Variants in THSD7B observed in about 807,000 individuals in gnomAD.
The protein encoded by THSD7B is thrombospondin type 1 domain containing 7B.
A neutral mutation model predicts 213.6 loss-of-function variants in THSD7B; 138 were observed. The observed-to-expected ratio is 0.65, with a 90% CI of 0.56 to 0.74. The LOEUF (loss-of-function observed/expected upper bound fraction) is 0.74. Ranked by LOEUF, THSD7B falls within the 30% of genes least tolerant of loss-of-function variation. The probability of loss-of-function intolerance (pLI) is 0.00; values close to 1 mark genes in which losing one functional copy is unlikely to be tolerated. For synonymous variants in THSD7B, 742 were observed against 687.0 expected (o/e 1.08, Z -1.25); for missense variants, 1,931 against 1,991.5 (o/e 0.97, Z 0.58).
intron 7 of THSD7B, among the ~76,000 whole-genome samples, chr2:137,217,736 C>A (rs1193207825): frequency 6.6e-6 from 1 of 152,172 alleles, no homozygotes; most frequent in Admixed American, 6.6e-5. Context: ...CAATTATGCT[C>A]ATTTCAGTTC....
intron 15 of THSD7B, among the ~76,000 whole-genome samples, chr2:137,481,805 A>G (rs927437172): frequency 5.9e-5 from 9 of 152,340 alleles, no homozygotes; most frequent in African/African-American, 2.2e-4. Flanking sequence ...GCATTTTCAT[A>G]TATCCAGGGA....
At position 137,057,033 on chromosome 2, in the gene THSD7B, C is replaced by T. The variant is rs773390876; in HGVS notation, c.753C>T (p.Cys251=). 4.3e-6 allele frequency: 7 copies of T among 1,613,778 alleles called. No homozygotes were observed. The East Asian group carries it at 1.6e-4, about 36-fold the overall frequency. ...TTAAGGTTGGACCATGGAGTAAATG[C>T]AGACTGCCTCATCTTAAAGAAATTA... ...FSLKVGPWSK[C]RLPHLKEINP... Residue 251 remains cysteine, a synonymous_variant, in exon 3 of 28, where the codon TGC becomes TGT. Coordinates refer to ENST00000409968, the MANE Select transcript of THSD7B (RefSeq NM_001316349.2).
intron 2 of THSD7B, among the ~76,000 whole-genome samples, chr2:137,048,409 CCTTG>C (rs1687007261): frequency 6.6e-6 from 1 of 151,992 alleles, no homozygotes; most frequent in Non-Finnish European, 1.5e-5. Flanking sequence ...GCAGCCAGTA[CCTTG>C]TTTGTTCTCA....
intron 2 of THSD7B, among the ~76,000 whole-genome samples, chr2:136,989,995 CTT>C (rs142170515): frequency 0.013 from 2,011 of 152,280 alleles, 31 homozygotes; most frequent in East Asian, 0.075. Context: ...CTGTCTTCTG[CTT>C]TCTTTTCTTG....
At chr2:137,605,813 C>G (rs561034740) in intron 17 of THSD7B, among the ~76,000 whole-genome samples, 9 of 151,904 alleles carry the variant, frequency 5.9e-5, no homozygotes, top group East Asian at 1.9e-4. Context: ...GGGTTACAGG[C>G]GCTTGCCACC....
intron 12 of THSD7B, among the ~76,000 whole-genome samples, chr2:137,311,955 G>C (rs548172203): frequency 4.6e-4 from 66 of 145,006 alleles, no homozygotes; most frequent in African/African-American, 1.7e-3. Flanking sequence ...AAGGATATTG[G>C]TCTAAAATTC....
At chr2:136,950,681 T>C (rs1685022241) in intron 2 of THSD7B, among the ~76,000 whole-genome samples, 1 of 152,230 alleles carries the variant, frequency 6.6e-6, no homozygotes, top group East Asian at 1.9e-4. Context: ...TCTGCAATTA[T>C]CGCCATTAAA....
chr2:137,369,159 A>AT (rs1182632308), intron 12 of THSD7B, among the ~76,000 whole-genome samples: 1 of 150,426 alleles, frequency 6.6e-6, no homozygotes, highest in African/African-American at 2.5e-5. Flanking sequence ...CCATATATAT[A>AT]TATATATATT....
At chr2:137,148,814 A>G (rs1252835702) in intron 5 of THSD7B, among the ~76,000 whole-genome samples, 2 of 152,194 alleles carry the variant, frequency 1.3e-5, no homozygotes, top group African/African-American at 4.8e-5. Context: ...GCAGAGCATA[A>G]AAGTTTGGAA....
intron 2 of THSD7B, among the ~76,000 whole-genome samples, chr2:136,959,510 T>C (rs879003294): frequency 6.6e-6 from 1 of 152,250 alleles, no homozygotes; most frequent in Admixed American, 6.5e-5. Flanking sequence ...TCATATCCTC[T>C]TAAGATTACT....
chr2:136,899,121 C>A (rs1684018167), intron 2 of THSD7B, among the ~76,000 whole-genome samples: 1 of 152,060 alleles, frequency 6.6e-6, no homozygotes, highest in South Asian at 2.1e-4. Context: ...TAAGTGATAT[C>A]AGGAACTGGC....
intron 14 of THSD7B, among the ~76,000 whole-genome samples, chr2:137,422,444 T>G (rs928223499): frequency 7.9e-5 from 12 of 152,230 alleles, no homozygotes; most frequent in African/African-American, 2.4e-4. Context: ...GGCTTACTGA[T>G]GAATTCTCAT....
At chr2:137,657,340 G>A (rs1683256684) in intron 24 of THSD7B, among the ~76,000 whole-genome samples, 180 bp downstream of exon 24, 1 of 152,096 alleles carries the variant, frequency 6.6e-6, no homozygotes, top group Non-Finnish European at 1.5e-5. Context: ...TCAATTTTAA[G>A]ACCTATAAAA....
At position 137,187,381 on chromosome 2, in the gene THSD7B, G is replaced by A. The variant is rs118123050; in HGVS notation, c.1723+16443G>A. Among the ~76,000 whole-genome samples, 27 of 152,340 alleles carry A rather than the reference G, an allele frequency of 1.8e-4. No homozygotes were observed. In the East Asian group the frequency reaches 5.0e-3, roughly 28 times the overall value. On this transcript the variant is annotated intron_variant, in intron 7 of 27. Transcript: ENST00000409968. ...AGTGACTTGCCACATAGACCATGGT[G>A]TGCAAGTTTTTTACAAAGCTCAAGA...
chr2:136,909,381 T>G (rs2105021458), intron 2 of THSD7B, among the ~76,000 whole-genome samples: 1 of 152,304 alleles, frequency 6.6e-6, no homozygotes, highest in African/African-American at 2.4e-5. Flanking sequence ...GCAAGATAAC[T>G]TTCCTTTATC....
chr2:137,317,951 G>T (rs1684164898), intron 12 of THSD7B, among the ~76,000 whole-genome samples: 2 of 152,028 alleles, frequency 1.3e-5, no homozygotes, highest in Non-Finnish European at 2.9e-5. Flanking sequence ...GAAGAAAAAG[G>T]ATCCATGCTG....
chr2:137,528,126 G>A (rs907665995), intron 15 of THSD7B, among the ~76,000 whole-genome samples: 1 of 151,978 alleles, frequency 6.6e-6, no homozygotes, highest in Non-Finnish European at 1.5e-5. Flanking sequence ...CAATTTTGTT[G>A]AACCTAAAAT....
Position 136,877,213 on chromosome 2 carries a change from T to G in THSD7B, c.-35-4931T>G, listed in dbSNP as rs139575887. On this transcript the variant is annotated intron_variant, in intron 1 of 27. Transcript: ENST00000409968. Reference sequence around the variant, plus strand: ...GAGGAGGGGGACTACCTTTTTCAGCTTCACACAAAAATACCATGTAAGCTA... The same window carrying G: ...GAGGAGGGGGACTACCTTTTTCAGCGTCACACAAAAATACCATGTAAGCTA... Among the ~76,000 whole-genome samples the G allele has an allele frequency of 2.4e-4, 37 of 152,328 alleles. No homozygotes were observed. In the East Asian group the frequency reaches 7.1e-3, roughly 29 times the overall value.
At chr2:137,438,264 T>C (rs1441260889) in intron 14 of THSD7B, among the ~76,000 whole-genome samples, 1 of 152,176 alleles carries the variant, frequency 6.6e-6, no homozygotes, top group African/African-American at 2.4e-5. Flanking sequence ...TCTAAGCCCA[T>C]GTTGTTATCT....
Sources: allele counts gnomAD v4.1 joint callset (sites outside exome capture counted in the v4.1 genomes callset), GRCh38; gene constraint gnomAD v4.1.1; transcripts MANE v1.5; gene names NCBI Gene and HGNC (gene_info 2026-07-23, HGNC 2026-07-21).